The following CSMD1 variants were observed in gnomAD, a reference collection of about 807,000 sequenced individuals.
CSMD1 encodes CUB and sushi domain-containing protein 1.
In CSMD1, 213 loss-of-function variants were observed where a neutral mutation model predicts 417.5. That is an observed-to-expected ratio of 0.51 (90% CI 0.46 to 0.57). CSMD1 has a LOEUF of 0.57. CSMD1 is among the 20% of genes least tolerant of loss of function. The probability of loss-of-function intolerance (pLI) is 0.00; values close to 1 mark genes in which losing one functional copy is unlikely to be tolerated. For missense variants in CSMD1, 6,923 were observed against 4,529.7 expected (o/e 1.53, Z -15.17); for synonymous variants, 2,862 against 1,736.8 (o/e 1.65, Z -16.11).
chr8:4,395,281 G>A (rs1804124824), intron 3 of CSMD1, among the ~76,000 whole-genome samples: 1 of 152,134 alleles, frequency 6.6e-6, no homozygotes, highest in Non-Finnish European at 1.5e-5. Flanking sequence ...CTACCACAAA[G>A]AAGGGCTTTT....
rs28405287 is a variant in CSMD1 at position 4,803,402 on chromosome 8, A to G, written c.86-165844T>C. On this transcript the variant is annotated intron_variant, in intron 1 of 69. Transcript: ENST00000635120. ...GATGTACTCAACATAGTTATTAGAT[A>G]CCCAGTCTAGATTTGTCTCTTGTCT... Among the ~76,000 whole-genome samples, 1,018 of 152,290 alleles carry G rather than the reference A, an allele frequency of 6.7e-3. 10 individuals are homozygous for G. The highest frequency in any genetic ancestry group is 0.023 in the African/African-American group (962 of 41,564).
In CSMD1 at chr8:3,347,977, G is replaced by A. The variant is rs1056097243; in HGVS notation, c.3474+15C>T. ...GAAAACTTGGAGTCATCATGTTGGA[G>A]AAGATTCTTTTTACCTTTAGAGTAT... On this transcript the variant is annotated intron_variant, in intron 22 of 69. Transcript: ENST00000635120. The A allele has an allele frequency of 1.3e-6, 2 of 1,543,888 alleles. No homozygotes were observed. Among genetic ancestry groups the A allele is most frequent in the Non-Finnish European group, 1.7e-6 (2 of 1,148,020 alleles).
rs149668441 is a variant in CSMD1, at chr8:3,840,424, T to C, written c.819-86382A>G. Among the ~76,000 whole-genome samples, 497 of 152,296 alleles carry C rather than the reference T, an allele frequency of 3.3e-3. 3 individuals are homozygous for C. The highest frequency in any genetic ancestry group is 0.012 in the African/African-American group (486 of 41,568). ...GCAAAATAGATAACGTTGTACTTTA[T>C]TTTATTGTGTTAGTAGCAAGAGTAC... On this transcript the variant is annotated intron_variant, in intron 5 of 69. Transcript: ENST00000635120.
chr8:3,853,831 G>T (rs1015790268), intron 5 of CSMD1, among the ~76,000 whole-genome samples: 3 of 148,374 alleles, frequency 2.0e-5, no homozygotes, highest in Non-Finnish European at 3.0e-5. Flanking sequence ...TAACAAACCT[G>T]CACATTGTGC....
rs375053545 is a variant in CSMD1 at position 3,104,081 on chromosome 8, C to T, written c.6949+2447G>A. ...TTTAGAGCAGCACATTTGATACATA[C>T]GTATGCCTTTCTTCTCTTCTCAGCT... On this transcript the variant is annotated intron_variant, in intron 46 of 69. Coordinates refer to ENST00000635120, the MANE Select transcript of CSMD1 (RefSeq NM_033225.6). 3.5e-4 allele frequency among the ~76,000 whole-genome samples: 54 copies of T among 152,144 alleles called. 1 individual carries two copies. The highest frequency in any genetic ancestry group is 1.2e-3 in the African/African-American group (51 of 41,432).
Position 3,868,745 on chromosome 8 carries a change from C to G in CSMD1, c.819-114703G>C, listed in dbSNP as rs186325922. Among the ~76,000 whole-genome samples the G allele has an allele frequency of 2.8e-3, 434 of 152,324 alleles. 2 individuals carry two copies. Among genetic ancestry groups the G allele is most frequent in the Non-Finnish European group, 3.0e-3 (203 of 68,034 alleles). ...ACTCCTGACCCTCTGCTCTCTCAAC[C>G]CACATCCAACACATCAGCAATTTCT... On this transcript the variant is annotated intron_variant, in intron 5 of 69. Coordinates refer to ENST00000635120, the MANE Select transcript of CSMD1 (RefSeq NM_033225.6).
At chr8:3,470,026 G>C (rs867424521) in intron 11 of CSMD1, among the ~76,000 whole-genome samples, 3 of 152,194 alleles carry the variant, frequency 2.0e-5, no homozygotes, top group Middle Eastern at 3.4e-3. Context: ...CACAGATCGT[G>C]AATGTCTAAC....
intron 1 of CSMD1, among the ~76,000 whole-genome samples, chr8:4,990,053 C>T (rs1356979253): frequency 1.3e-5 from 2 of 152,156 alleles, no homozygotes; most frequent in South Asian, 4.1e-4. Flanking sequence ...TCTCTCTTCC[C>T]GAGGCCTCTG....
intron 10 of CSMD1, among the ~76,000 whole-genome samples, chr8:3,573,655 C>G (rs1800031905): frequency 2.0e-5 from 3 of 152,128 alleles, no homozygotes; most frequent in African/African-American, 7.2e-5. Context: ...CAGAACATTT[C>G]TCTTTTAGAA....
intron 3 of CSMD1, among the ~76,000 whole-genome samples, chr8:4,124,392 C>G (rs751181581): frequency 4.9e-5 from 5 of 101,502 alleles, no homozygotes; most frequent in Admixed American, 1.2e-4. Flanking sequence ...AAAAAGGAGA[C>G]AGGGGATTTG....
At chr8:4,531,047 T>C (rs1484937242) in intron 2 of CSMD1, among the ~76,000 whole-genome samples, 2 of 152,198 alleles carry the variant, frequency 1.3e-5, no homozygotes, top group Non-Finnish European at 2.9e-5. Flanking sequence ...ATTACGTTGA[T>C]TGTATGATAC....
At chr8:4,907,430 T>C (rs1367980996) in intron 1 of CSMD1, among the ~76,000 whole-genome samples, 1 of 152,190 alleles carries the variant, frequency 6.6e-6, no homozygotes, top group East Asian at 1.9e-4. Flanking sequence ...TTGGGCAAAA[T>C]ACATAAATAT....
At chr8:4,382,989 A>G (rs765998729) in intron 3 of CSMD1, among the ~76,000 whole-genome samples, 19 of 152,182 alleles carry the variant, frequency 1.2e-4, no homozygotes, top group Non-Finnish European at 2.8e-4. Context: ...AGGTCGCACC[A>G]TCGTCTGTAT....
chr8:4,190,162 G>T (rs1055805506), intron 3 of CSMD1, among the ~76,000 whole-genome samples: 1 of 151,116 alleles, frequency 6.6e-6, no homozygotes, highest in Non-Finnish European at 1.5e-5. Context: ...AGGAGGCTGA[G>T]GCAAGAGAAT....
chr8:4,296,031 ACTGT>A (rs1455876533), intron 3 of CSMD1, among the ~76,000 whole-genome samples: 8 of 152,152 alleles, frequency 5.3e-5, no homozygotes, highest in Middle Eastern at 3.4e-3. Flanking sequence ...TAAAAATGAA[ACTGT>A]CTAATTGCAA....
intron 3 of CSMD1, among the ~76,000 whole-genome samples, chr8:4,126,244 A>G (rs1802757399): frequency 6.6e-6 from 1 of 152,168 alleles, no homozygotes; most frequent in African/African-American, 2.4e-5. Context: ...ATAAAACTCC[A>G]GTCTCCCACA....
rs543113293 is a variant in CSMD1 at position 4,878,487 on chromosome 8, C to CATG, written c.85+115842_85+115844dup. On this transcript the variant is annotated intron_variant, in intron 1 of 69. Transcript: ENST00000635120. ...AGGTAGAGGTAAGACAGCATAGAAT[C>CATG]ATGATGATGATGATGATGATGATTT... Among the ~76,000 whole-genome samples the CATG allele has an allele frequency of 1.5e-3, 230 of 151,346 alleles. 5 individuals are homozygous for CATG. Among genetic ancestry groups the CATG allele is most frequent in the African/African-American group, 4.6e-3 (189 of 41,204 alleles).
At chr8:3,726,539 G>T (rs544570836) in intron 6 of CSMD1, among the ~76,000 whole-genome samples, 1 of 152,292 alleles carries the variant, frequency 6.6e-6, no homozygotes, top group East Asian at 1.9e-4. Flanking sequence ...CATAGTTTGG[G>T]TCCAGTGTTT....
At chr8:4,003,935 GAAAACAGAACAAAACA>G (rs1815902036) in intron 4 of CSMD1, among the ~76,000 whole-genome samples, 1 of 129,240 alleles carries the variant, frequency 7.7e-6, no homozygotes, top group Non-Finnish European at 1.7e-5. Context: ...CATTTTTTTA[GAAAACAGAACAAAACA>G]AAAAAACCAT....
Sources: gnomAD v4.1 joint callset for allele counts (sites outside exome capture counted in the v4.1 genomes callset) on GRCh38, gnomAD v4.1.1 for gene constraint, MANE v1.5 for transcripts, NCBI Gene and HGNC (gene_info 2026-07-23, HGNC 2026-07-21) for gene names.